Variants in EIF4G2 observed in about 807,000 individuals in gnomAD.
EIF4G2 encodes the protein DAP-5.
Under a neutral mutation model 117.7 loss-of-function variants are expected in EIF4G2, and 8 were observed. The ratio of observed to expected loss-of-function variants is 0.07; its 90% CI spans 0.04 to 0.12. The LOEUF is 0.12. Among genes scored for constraint, EIF4G2 ranks in the 10% least tolerant of loss-of-function variants. EIF4G2 has a pLI of 1.00. For missense variants in EIF4G2, 812 were observed against 1,086.2 expected (o/e 0.75, Z 3.55); for synonymous variants, 413 against 367.8 (o/e 1.12, Z -1.41).
At chr11:10,808,611 T>A in intron 1 of EIF4G2, 94 bp downstream of exon 1, 1 of 653,206 alleles carries the variant, frequency 1.5e-6, no homozygotes, top group South Asian at 2.3e-5. Context: ...CGGCTCCGCC[T>A]GCGGCCGCCA....
intron 1 of EIF4G2, 117 bp from the exon 2 acceptor site, chr11:10,807,498 A>T: frequency 7.4e-7 from 1 of 1,352,656 alleles, no homozygotes; most frequent in Non-Finnish European, 9.5e-7. Context: ...GATCTGTAAG[A>T]CTAACCTAAA....
Position 10,802,117 on chromosome 11 carries a change from C to A in EIF4G2, c.1231G>T (p.Gly411Trp), listed in dbSNP as rs764716325. The A allele has an allele frequency of 2.4e-6, 3 of 1,232,744 alleles. No individual in the cohort carries two copies. 76.4% of individuals were successfully genotyped at this position (1,232,744 alleles called of 1,614,324 possible). ...TGTGTGGGAGGCATGATGTGTCCCC[C>A]ATGGCCATTGAAGAGTTGATTTGAA... is the stretch of plus-strand genomic sequence containing the variant. Residue 411 changes from glycine (G) to tryptophan (W), a missense_variant, in exon 13 of 22, where the codon GGG becomes TGG. By Grantham distance (184) the Gly-to-Trp change is radical (BLOSUM62 -2). This residue lies in a region of EIF4G2 where 571 missense variants were observed against 642.3 expected (regional missense o/e 0.89). Transcript: ENST00000339995.
chr11:10,804,351 G>A lies in EIF4G2; in HGVS notation c.419C>T (p.Ala140Val). The stretch of plus-strand genomic sequence containing the variant: ...GCCATCAAAGTTTGGTGCATCTTCT[G>A]CCAATCGCAGACATAGCTGAGCATA... Residue 140 changes from alanine (A) to valine (V), a missense_variant, in exon 6 of 22, where the codon GCA (alanine) becomes GTA (valine). By Grantham distance (64) the Ala-to-Val change is moderately conservative. Transcript: ENST00000339995. 1 of 1,614,152 alleles carries A rather than the reference G, an allele frequency of 6.2e-7. No individual in the cohort carries two copies. The highest frequency in any genetic ancestry group is 8.5e-7 in the Non-Finnish European group (1 of 1,180,038).
rs1459888479 is a variant in EIF4G2 at position 10,800,424 on chromosome 11, T to G, written c.1860+8A>C. The G allele has an allele frequency of 6.2e-7, 1 of 1,614,014 alleles. No individual in the cohort carries two copies. The highest frequency in any genetic ancestry group is 1.3e-5 in the African/African-American group (1 of 74,932). On this transcript the variant is annotated splice_region_variant and intron_variant, in intron 17 of 21. Coordinates refer to ENST00000339995, the MANE Select transcript of EIF4G2 (RefSeq NM_001418.4). ...AGTTCTTACCACACAATCAGTAAAG[T>G]GTCCTACCTGCATGAAGTTGTCACT... is the stretch of plus-strand genomic sequence containing the variant.
At chr11:10,806,625 G>C (rs746706158) in intron 3 of EIF4G2, 195 bp downstream of exon 3, 109 of 556,542 alleles carry the variant, frequency 2.0e-4, no homozygotes, top group Non-Finnish European at 3.0e-4. Context: ...ATAACAGCTT[G>C]AGAGTCTCAA....
chr11:10,804,607 T>G (rs1235097196), intron 5 of EIF4G2, 189 bp from the exon 6 acceptor site: 1 of 719,522 alleles, frequency 1.4e-6, no homozygotes, highest in African/African-American at 1.8e-5. Flanking sequence ...CTTTCAAGTC[T>G]ACATAAACTG....
chr11:10,805,427 T>C (rs1304821315), intron 4 of EIF4G2, among the ~76,000 whole-genome samples: 1 of 151,880 alleles, frequency 6.6e-6, no homozygotes, highest in Admixed American at 6.6e-5. Flanking sequence ...AGCCCCAAAA[T>C]ATGACGTGCT....
Position 10,799,565 on chromosome 11 carries a change from T to G in EIF4G2, c.2311A>C (p.Ile771Leu). The change falls in exon 19 of 22, where the codon ATC (isoleucine) becomes CTC (leucine). Residue 771 changes from isoleucine (I) to leucine (L), a missense_variant. This residue lies in a region of EIF4G2 where 571 missense variants were observed against 642.3 expected (regional missense o/e 0.89). Transcript: ENST00000339995. The stretch of plus-strand genomic sequence containing the variant: ...CATTCGTCTTACCTAGTCATTAAGA[T>G]GTTCACAAATCCTTTATCTACATGA... 6.2e-7 allele frequency: 1 copy of G among 1,613,910 alleles called. No homozygotes were observed. The highest frequency in any genetic ancestry group is 8.5e-7 in the Non-Finnish European group (1 of 1,179,864).
chr11:10,798,400 TTTC>T (rs1211417812), intron 21 of EIF4G2, among the ~76,000 whole-genome samples: 1 of 152,180 alleles, frequency 6.6e-6, no homozygotes, highest in African/African-American at 2.4e-5. Flanking sequence ...TTAAACTTTT[TTTC>T]TTTTTTTGAG....
Position 10,808,140 on chromosome 11 carries a change from C to G in EIF4G2, c.-87+565G>C, listed in dbSNP as rs1002728680. On this transcript the variant is annotated intron_variant, in intron 1 of 21. Coordinates refer to ENST00000339995, the MANE Select transcript of EIF4G2 (RefSeq NM_001418.4). Reference sequence around the variant, plus strand: ...CACCCGCCGCCTCCAAGCGGGCCCCCTCCTGCACCATAAATCCCCCCGGGA... The same window carrying G: ...CACCCGCCGCCTCCAAGCGGGCCCCGTCCTGCACCATAAATCCCCCCGGGA... 1.5e-5 allele frequency: 16 copies of G among 1,092,184 alleles called. No homozygotes were observed. The Middle Eastern group carries it at 1.3e-3, about 86-fold the overall frequency. 67.7% of individuals were successfully genotyped at this position (1,092,184 alleles called of 1,614,324 possible).
chr11:10,804,096 G>T (rs1355446254), intron 7 of EIF4G2, 41 bp downstream of exon 7: 4 of 1,612,568 alleles, frequency 2.5e-6, no homozygotes, highest in Non-Finnish European at 3.4e-6. Context: ...GAATTAAGCT[G>T]AAAATATACA....
At chr11:10,801,114 A>T in intron 14 of EIF4G2, 27 bp from the exon 15 acceptor site, 1 of 1,613,086 alleles carries the variant, frequency 6.2e-7, no homozygotes, top group Non-Finnish European at 8.5e-7. Flanking sequence ...AATATATCTA[A>T]ATTAACAACA....
At position 10,800,268 on chromosome 11, in the gene EIF4G2, T is replaced by C; in HGVS notation, c.1941A>G (p.Ala647=). 1 of 1,614,218 alleles carries C rather than the reference T, an allele frequency of 6.2e-7. No homozygotes were observed. The highest frequency in any genetic ancestry group is 8.5e-7 in the Non-Finnish European group (1 of 1,180,036). ...CCAGCTCTGAAATGATGGCACGAGCTGCAAACTGTGCTAAATAGGATTTCA... is the reference window on the plus strand; with the variant it reads ...CCAGCTCTGAAATGATGGCACGAGCCGCAAACTGTGCTAAATAGGATTTCA... Residue 647 remains alanine (A), a synonymous_variant, in exon 18 of 22, where the codon GCA becomes GCG. Coordinates refer to ENST00000339995, the MANE Select transcript of EIF4G2 (RefSeq NM_001418.4).
In EIF4G2 at chr11:10,800,212, T is replaced by G; in HGVS notation, c.1997A>C (p.Glu666Ala). Residue 666 changes from glutamate (E) to alanine (A), a missense_variant, in exon 18 of 22, where the codon GAA becomes GCA. This residue lies in a region of EIF4G2 where 571 missense variants were observed against 642.3 expected (regional missense o/e 0.89). Coordinates refer to ENST00000339995, the MANE Select transcript of EIF4G2 (RefSeq NM_001418.4). ...GAAGAGAGGAAAATGGGTGCCACTT[T>G]CTAGTGGTTGAGCTAGTTCTGAAAT... 1 of 1,614,196 alleles carries G rather than the reference T, an allele frequency of 6.2e-7. No homozygotes were observed. Among genetic ancestry groups the G allele is most frequent in the Non-Finnish European group, 8.5e-7 (1 of 1,180,024 alleles).
intron 5 of EIF4G2, 25 bp from the exon 6 acceptor site, chr11:10,804,443 C>T (rs61874161): frequency 2.6e-6 from 4 of 1,554,056 alleles, no homozygotes; most frequent in Non-Finnish European, 3.5e-6. Flanking sequence ...ATTGCTTAAA[C>T]TAAATATGAA....
intron 1 of EIF4G2, 103 bp from the exon 2 acceptor site, chr11:10,807,484 T>C: frequency 7.2e-7 from 1 of 1,392,850 alleles, no homozygotes; most frequent in Non-Finnish European, 9.3e-7. Context: ...GTCACTGCAT[T>C]GCAGATCTGT....
At position 10,799,558 on chromosome 11, in the gene EIF4G2, A is replaced by G. The variant is rs779875132; in HGVS notation, c.2318T>C (p.Met773Thr). 2 of 1,613,768 alleles carry G rather than the reference A, an allele frequency of 1.2e-6. No homozygotes were observed. The highest frequency in any genetic ancestry group is 1.6e-4 in the Middle Eastern group (1 of 6,062). Reference sequence around the variant, plus strand: ...AGAAAACCATTCGTCTTACCTAGTCATTAAGATGTTCACAAATCCTTTATC... The same window carrying G: ...AGAAAACCATTCGTCTTACCTAGTCGTTAAGATGTTCACAAATCCTTTATC... The change falls in exon 19 of 22, where the codon ATG becomes ACG. Residue 773 changes from methionine (M) to threonine (T), a missense_variant. Physicochemically the swap from Met to Thr is moderately conservative, Grantham distance 81 (BLOSUM62 -1). Around this residue, in one of 4 missense-constraint regions of EIF4G2, gnomAD observed 571 missense variants for 642.3 expected, o/e 0.89. Coordinates refer to ENST00000339995, the MANE Select transcript of EIF4G2 (RefSeq NM_001418.4).
chr11:10,800,407 C>A lies in EIF4G2; in HGVS notation c.1860+25G>T, dbSNP rs531959563. The A allele has an allele frequency of 3.7e-6, 6 of 1,613,454 alleles. No individual in the cohort carries two copies. The Admixed American group carries it at 8.3e-5, about 22-fold the overall frequency. On this transcript the variant is annotated intron_variant, in intron 17 of 21. Transcript: ENST00000339995. ...CGAATTTGAGTGGTAAGAGTTCTTACCACACAATCAGTAAAGTGTCCTACC... is the reference window on the plus strand; with the variant it reads ...CGAATTTGAGTGGTAAGAGTTCTTAACACACAATCAGTAAAGTGTCCTACC...
rs748893972 is a variant in EIF4G2 at position 10,799,438 on chromosome 11, G to A, written c.2325-14C>T. The A allele has an allele frequency of 2.0e-5, 33 of 1,611,508 alleles. 1 individual carries two copies. In the South Asian group the frequency reaches 2.2e-4, roughly 11 times the overall value. ...TACTGTAAGAAGCTGGACAGAAAGA[G>A]GTCTTGTTAGAACCCAACAGTGAGT... On this transcript the variant is annotated splice_polypyrimidine_tract_variant and intron_variant, in intron 19 of 21. Transcript: ENST00000339995.
Sources: allele counts gnomAD v4.1 joint callset (sites outside exome capture counted in the v4.1 genomes callset), GRCh38; gene constraint gnomAD v4.1.1; regional missense constraint gnomAD v4.1.1; transcripts MANE v1.5; gene names NCBI Gene and HGNC (gene_info 2026-07-23, HGNC 2026-07-21).